Variants in PTK2 observed in about 807,000 individuals in gnomAD.
PTK2 encodes the protein protein tyrosine kinase 2.
In PTK2, 45 loss-of-function variants were observed where a neutral mutation model predicts 150.1. The ratio of observed to expected loss-of-function variants is 0.30; its 90% CI spans 0.24 to 0.38. The LOEUF is 0.38. PTK2 is among the 10% of genes least tolerant of loss of function. The probability of loss-of-function intolerance (pLI) is 1.00; values close to 1 mark genes in which losing one functional copy is unlikely to be tolerated. For missense variants in PTK2, 919 were observed against 1,307.3 expected (o/e 0.70, Z 4.58); for synonymous variants, 432 against 449.2 (o/e 0.96, Z 0.48).
intron 31 of PTK2, among the ~76,000 whole-genome samples, chr8:140,664,380 C>T (rs1232295746): frequency 2.6e-5 from 4 of 152,182 alleles, no homozygotes; most frequent in Non-Finnish European, 5.9e-5. Context: ...CATCCTCCTG[C>T]CTTGGCCTCC....
chr8:140,978,504 G>A (rs2100190156), intron 1 of PTK2, among the ~76,000 whole-genome samples: 1 of 152,120 alleles, frequency 6.6e-6, no homozygotes, highest in Admixed American at 6.5e-5. Flanking sequence ...AGAGACACAT[G>A]AAAAAATGCT....
chr8:140,988,630 G>C (rs1344809653), intron 1 of PTK2, among the ~76,000 whole-genome samples: 1 of 151,134 alleles, frequency 6.6e-6, no homozygotes, highest in Non-Finnish European at 1.5e-5. Context: ...TCGGGAGGCT[G>C]AGGCAGGAGA....
rs532233551 is a variant in PTK2 at position 140,688,981 on chromosome 8, A to G, written c.2500-2287T>C. Reference sequence around the variant, plus strand: ...ACCAGAGAGGACTATCCCATTAGATATAGACAGCTGTGGCTGGGTGTGAAA... The same window carrying G: ...ACCAGAGAGGACTATCCCATTAGATGTAGACAGCTGTGGCTGGGTGTGAAA... On this transcript the variant is annotated intron_variant, in intron 26 of 31. Transcript: ENST00000522684. Among the ~76,000 whole-genome samples the G allele has an allele frequency of 9.2e-5, 14 of 152,226 alleles. No individual in the cohort carries two copies. The East Asian group carries it at 1.5e-3, about 17-fold the overall frequency.
At chr8:140,751,498 CTTT>C (rs562902470) in intron 17 of PTK2, among the ~76,000 whole-genome samples, 4 of 145,024 alleles carry the variant, frequency 2.8e-5, no homozygotes, top group African/African-American at 7.5e-5. Context: ...TTCTTTCTTT[CTTT>C]TTTTTTTTTG....
chr8:140,804,309 T>C (rs780191279), intron 10 of PTK2, among the ~76,000 whole-genome samples: 20 of 151,796 alleles, frequency 1.3e-4, no homozygotes, highest in Admixed American at 3.9e-4. Context: ...AAGATAGAGT[T>C]GGGAGCAATG....
intron 2 of PTK2, among the ~76,000 whole-genome samples, chr8:140,907,866 C>T (rs1159977680): frequency 1.3e-5 from 2 of 152,172 alleles, no homozygotes; most frequent in African/African-American, 2.4e-5. Context: ...TCTCCCACCT[C>T]TCCTAAGGCC....
chr8:140,830,566 C>A, intron 7 of PTK2, 40 bp from the exon 8 acceptor site: 1 of 1,157,812 alleles, frequency 8.6e-7, no homozygotes, highest in South Asian at 1.5e-5. Flanking sequence ...ATAACACCAC[C>A]AAATCAATTA....
chr8:140,929,051 C>T (rs1215067156), intron 1 of PTK2, among the ~76,000 whole-genome samples: 9 of 139,716 alleles, frequency 6.4e-5, no homozygotes, highest in Non-Finnish European at 1.2e-4. Context: ...CTGCAAGCTC[C>T]GCCTCCCGGG....
chr8:140,848,198 CTT>C (rs1475839089), intron 5 of PTK2, among the ~76,000 whole-genome samples: 1 of 152,202 alleles, frequency 6.6e-6, no homozygotes, highest in Non-Finnish European at 1.5e-5. Flanking sequence ...TGCCATATCT[CTT>C]TGTTACAGAG....
At chr8:140,785,194 G>A (rs542277062) in intron 14 of PTK2, among the ~76,000 whole-genome samples, 2 of 152,166 alleles carry the variant, frequency 1.3e-5, no homozygotes, top group Non-Finnish European at 2.9e-5. Context: ...GAGCCCCAGT[G>A]ACACTGGTCG....
At chr8:140,858,064 GC>G (rs1255986971) in intron 5 of PTK2, among the ~76,000 whole-genome samples, 1 of 152,074 alleles carries the variant, frequency 6.6e-6, no homozygotes, top group African/African-American at 2.4e-5. Flanking sequence ...AATAATAAGG[GC>G]CATACAAAGT....
chr8:140,662,680 GTCCT>G (rs747219253), intron 31 of PTK2: 2 of 576,494 alleles, frequency 3.5e-6, no homozygotes, highest in Non-Finnish European at 6.6e-6. Flanking sequence ...GTGTCCAACC[GTCCT>G]TCAGAAGTCA....
intron 26 of PTK2, among the ~76,000 whole-genome samples, chr8:140,688,039 G>C (rs367873831): frequency 1.6e-4 from 25 of 152,160 alleles, no homozygotes; most frequent in African/African-American, 5.8e-4. Context: ...ACAGTCCTCA[G>C]GGATTCCATA....
intron 2 of PTK2, among the ~76,000 whole-genome samples, chr8:140,894,469 C>A (rs1017050004): frequency 3.3e-5 from 5 of 152,118 alleles, no homozygotes; most frequent in Admixed American, 6.5e-5. Flanking sequence ...TATTAGGAAA[C>A]ACCTAAATGC....
chr8:140,695,702 C>T (rs964789448), intron 26 of PTK2, among the ~76,000 whole-genome samples: 3 of 152,078 alleles, frequency 2.0e-5, no homozygotes, highest in Non-Finnish European at 4.4e-5. Flanking sequence ...GTGCCCAGCC[C>T]TAAGGTGATC....
chr8:140,983,282 A>G (rs10111386), intron 1 of PTK2, among the ~76,000 whole-genome samples: 67,600 of 150,860 alleles, frequency 0.45, 16,195 homozygotes, highest in Non-Finnish European at 0.55. Flanking sequence ...AGCTACTCGG[A>G]AGGCTGAGGC....
At chr8:140,711,296 A>G (rs2100036729) in intron 23 of PTK2, among the ~76,000 whole-genome samples, 2 of 152,208 alleles carry the variant, frequency 1.3e-5, no homozygotes, top group Admixed American at 1.3e-4. Context: ...TAGTACAGAC[A>G]GGGTTTCGCC....
rs138675497 is a variant in PTK2 at position 140,922,971 on chromosome 8, G to T, written c.-33+2690C>A. On this transcript the variant is annotated intron_variant, in intron 2 of 31. Coordinates refer to ENST00000522684, the Ensembl canonical transcript of PTK2. Reference sequence around the variant, plus strand: ...GGTGGTGACTGGAGCTAATGCAGTCGCAGTGACAGAGAGGATGAGAGGACA... The same window carrying T: ...GGTGGTGACTGGAGCTAATGCAGTCTCAGTGACAGAGAGGATGAGAGGACA... Among the ~76,000 whole-genome samples, 238 of 152,250 alleles carry T rather than the reference G, an allele frequency of 1.6e-3. 1 individual carries two copies. The highest frequency in any genetic ancestry group is 2.8e-3 in the Admixed American group (43 of 15,296).
At chr8:140,971,630 G>A (rs1448224615) in intron 1 of PTK2, among the ~76,000 whole-genome samples, 1 of 152,212 alleles carries the variant, frequency 6.6e-6, no homozygotes, top group Non-Finnish European at 1.5e-5. Context: ...AAGGAAAACA[G>A]TACTTATATG....
Sources: allele counts gnomAD v4.1 joint callset (sites outside exome capture counted in the v4.1 genomes callset), GRCh38; gene constraint gnomAD v4.1.1; transcripts MANE v1.5; gene names NCBI Gene and HGNC (gene_info 2026-07-23, HGNC 2026-07-21).